Variants in SPATA6 observed in about 807,000 individuals in gnomAD.
The protein encoded by SPATA6 is spermatogenesis-associated protein 6.
SPATA6 carries 56 observed loss-of-function variants against 65.3 expected under a neutral mutation model. That is an observed-to-expected ratio of 0.86 (90% confidence interval 0.69 to 1.07). The LOEUF (loss-of-function observed/expected upper bound fraction) is 1.07. Ranked by LOEUF, SPATA6 falls within the 50% of genes least tolerant of loss-of-function variation. SPATA6 has a pLI of 0.00. For synonymous variants in SPATA6, 199 were observed against 213.2 expected, an observed-to-expected ratio of 0.93 and a Z score of 0.58; for missense variants, 590 against 594.8, an observed-to-expected ratio of 0.99 and a Z score of 0.08.
chr1:48,361,698 G>A (rs1289775234), intron 9 of SPATA6, among the ~76,000 whole-genome samples: 3 of 152,014 alleles, frequency 2.0e-5, no homozygotes, highest in African/African-American at 7.2e-5. Flanking sequence ...GTTAATAATA[G>A]CTAGCTTACA....
chr1:48,289,519 G>C, the SPATA6 span, among the ~76,000 whole-genome samples: 1 of 152,196 alleles, frequency 6.6e-6, no homozygotes, highest in South Asian at 2.1e-4. Context: ...GTTGAGAGAA[G>C]GCTTCAGAGG....
chr1:48,281,675 A>G, the SPATA6 span, among the ~76,000 whole-genome samples: 1 of 151,762 alleles, frequency 6.6e-6, no homozygotes, highest in Non-Finnish European at 1.5e-5. Context: ...CTGCTCAATG[A>G]AATAAAAGAG....
chr1:48,369,115 T>C (rs1487338360), intron 9 of SPATA6, among the ~76,000 whole-genome samples: 1 of 152,168 alleles, frequency 6.6e-6, no homozygotes, highest in African/African-American at 2.4e-5. Context: ...CGGATTTTCG[T>C]GAACCGCGAA....
chr1:48,266,299 A>G, the SPATA6 span, among the ~76,000 whole-genome samples: 11 of 152,346 alleles, frequency 7.2e-5, no homozygotes, highest in Non-Finnish European at 1.5e-4. Flanking sequence ...AAATCAAACA[A>G]TAGTAGGGAA....
the SPATA6 span, among the ~76,000 whole-genome samples, chr1:48,279,822 C>A: frequency 6.6e-6 from 1 of 152,122 alleles, no homozygotes; most frequent in Non-Finnish European, 1.5e-5. Flanking sequence ...CAGCTCTGCA[C>A]CAAGTGGACC....
chr1:48,374,311 T>TAA (rs776265583), intron 9 of SPATA6, among the ~76,000 whole-genome samples: 6 of 139,396 alleles, frequency 4.3e-5, no homozygotes, highest in East Asian at 2.1e-4. Flanking sequence ...TGTAATTTTA[T>TAA]AAAAAAAAAA....
chr1:48,352,903 C>CA (rs35929341), intron 11 of SPATA6, among the ~76,000 whole-genome samples: 56,216 of 132,914 alleles, frequency 0.42, 11,972 homozygotes, highest in East Asian at 0.68. Context: ...CTTTTAAATA[C>CA]AAAAAAAAAA....
chr1:48,353,901 T>C (rs1646583624), intron 11 of SPATA6, among the ~76,000 whole-genome samples: 1 of 152,002 alleles, frequency 6.6e-6, no homozygotes, highest in Non-Finnish European at 1.5e-5. Flanking sequence ...CTGTATTCAT[T>C]AGAATAACTA....
intron 9 of SPATA6, 112 bp from the exon 10 acceptor site, chr1:48,359,882 C>A: frequency 3.9e-6 from 3 of 773,552 alleles, no homozygotes; most frequent in Non-Finnish European, 5.6e-6. Flanking sequence ...CACACACACA[C>A]TAATTTTATA....
chr1:48,309,945 A>T (rs1048772398), intron 11 of SPATA6, among the ~76,000 whole-genome samples: 1 of 152,192 alleles, frequency 6.6e-6, no homozygotes, highest in Admixed American at 6.5e-5. Context: ...GCCTTAAGGT[A>T]GGCTGGAATT....
intron 11 of SPATA6, among the ~76,000 whole-genome samples, chr1:48,345,838 G>T (rs763050351): frequency 6.6e-6 from 1 of 152,016 alleles, no homozygotes; most frequent in African/African-American, 2.4e-5. Context: ...TGAAATTGAA[G>T]AAGTAATAAA....
chr1:48,403,926 TAG>T, intron 5 of SPATA6, 44 bp from the exon 6 acceptor site: 1 of 1,327,668 alleles, frequency 7.5e-7, no homozygotes, highest in Non-Finnish European at 1.1e-6. Context: ...TCCATTTAAA[TAG>T]AGATAATTAT....
intron 8 of SPATA6, chr1:48,393,444 C>A (rs1650265791): frequency 6.6e-6 from 1 of 151,958 alleles, no homozygotes. Context: ...GGAACTAATC[C>A]ATATTAAAGA....
At chr1:48,440,184 G>A (rs2265771) in intron 3 of SPATA6, among the ~76,000 whole-genome samples, 21,648 of 151,922 alleles carry the variant, frequency 0.14, 1,756 homozygotes, top group African/African-American at 0.21. Context: ...TATCGGTTAT[G>A]TCCCCTTCAA....
rs1208166823 is a variant in SPATA6, at chr1:48,428,068, T to C, written c.239-14917A>G. ...GCTGCAAAAGACATGATTTTATTCT[T>C]TCTTGTAGCTCCATGCATATGGAAC... On this transcript the variant is annotated intron_variant, in intron 3 of 12. Transcript: ENST00000371847. Among the ~76,000 whole-genome samples the C allele has an allele frequency of 3.3e-5, 5 of 152,216 alleles. No homozygotes were observed. In the South Asian group the frequency reaches 6.2e-4, roughly 19 times the overall value.
chr1:48,302,824 C>T (rs969675506), intron 12 of SPATA6, among the ~76,000 whole-genome samples: 1 of 152,046 alleles, frequency 6.6e-6, no homozygotes, highest in African/African-American at 2.4e-5. Flanking sequence ...CTCTCAGGAT[C>T]TTTACTGTCT....
rs537874133 is a variant in SPATA6, at chr1:48,389,434, A to G, written c.869-4085T>C. Among the ~76,000 whole-genome samples the G allele has an allele frequency of 1.1e-4, 16 of 152,342 alleles. No homozygotes were observed. In the South Asian group the frequency reaches 2.9e-3, roughly 28 times the overall value. On this transcript the variant is annotated intron_variant, in intron 8 of 12. Transcript: ENST00000371847. ...GACATTCAGATGCAGGGGGACCAGT[A>G]ATCCCTAAGCAGATACAATGCAAAA...
chr1:48,314,549 G>T (rs1645340602), intron 11 of SPATA6, among the ~76,000 whole-genome samples: 1 of 152,190 alleles, frequency 6.6e-6, no homozygotes, highest in Non-Finnish European at 1.5e-5. Context: ...GCACTGTGTA[G>T]CGGGAAATTT....
At chr1:48,399,308 A>G (rs1650912303) in intron 7 of SPATA6, 43 bp downstream of exon 7, 1 of 1,563,530 alleles carries the variant, frequency 6.4e-7, no homozygotes, top group African/African-American at 1.4e-5. Flanking sequence ...TTTGGGAAAA[A>G]AGCTGATCAG....
Sources: gnomAD v4.1 joint callset for allele counts (sites outside exome capture counted in the v4.1 genomes callset) on GRCh38, gnomAD v4.1.1 for gene constraint, MANE v1.5 for transcripts, NCBI Gene and HGNC (gene_info 2026-07-23, HGNC 2026-07-21) for gene names.